GPR179: variants seen among roughly 807,000 people sequenced by gnomAD.
GPR179 encodes G protein-coupled receptor 179, also known as probable G protein-coupled receptor 179.
In GPR179, 52 loss-of-function variants were observed where a neutral mutation model predicts 70.8. The observed-to-expected ratio is 0.73, with a 90% CI of 0.59 to 0.93. GPR179 has a LOEUF of 0.93. GPR179 is among the 40% of genes least tolerant of loss of function. The probability of loss-of-function intolerance (pLI) is 0.00; values close to 1 mark genes in which losing one functional copy is unlikely to be tolerated. For missense variants in GPR179, 2,734 were observed against 2,966.8 expected (o/e 0.92, Z 1.82); for synonymous variants, 1,123 against 1,169.0 (o/e 0.96, Z 0.80).
In GPR179 at chr17:38,327,483, A is replaced by T; in HGVS notation, c.6086T>A (p.Val2029Asp). ...TCCATCCTGCCTTGACACCCCTTTG[A>T]CAGGGATTCTTTCAGTCACTTCCCA... ...CPWEVTERIP[V>D]KGVSRQDGKG... The change falls in exon 11 of 11, where the codon GTC (valine) becomes GAC (aspartate). Residue 2029 changes from valine (V) to aspartate (D), a missense_variant. Physicochemically the swap from Val to Asp is radical, Grantham distance 152. Transcript: ENST00000616987. The T allele has an allele frequency of 1.9e-6, 3 of 1,614,064 alleles. No individual in the cohort carries two copies. Among genetic ancestry groups the T allele is most frequent in the Non-Finnish European group, 1.7e-6 (2 of 1,180,012 alleles).
rs971271484 is a variant in GPR179, at chr17:38,337,215, T to C, written c.992-2A>G. 1 of 1,606,860 alleles carries C rather than the reference T, an allele frequency of 6.2e-7. No individual in the cohort carries two copies. Among genetic ancestry groups the C allele is most frequent in the Non-Finnish European group, 8.5e-7 (1 of 1,176,926 alleles). On this transcript the variant is annotated splice_acceptor_variant, in intron 3 of 10. Coordinates refer to ENST00000616987, the MANE Select transcript of GPR179 (RefSeq NM_001004334.4). LOFTEE classifies it high-confidence loss of function. ...TCTGGAAGTCACTCTCCTCTAACCC[T>C]ATAAAGAACAAGATGAGTGCAGGGA...
Position 38,335,092 on chromosome 17 carries a change from G to C in GPR179, c.1586C>G (p.Pro529Arg). 1 of 1,613,268 alleles carries C rather than the reference G, an allele frequency of 6.2e-7. No homozygotes were observed. Among genetic ancestry groups the C allele is most frequent in the Non-Finnish European group, 8.5e-7 (1 of 1,179,778 alleles). ...ACAGAGGTAGAAATGGCGGCCACTG[G>C]GAGTGTGGCCTCGGATCACCAGAGG... is the stretch of plus-strand genomic sequence containing the variant. Reference protein sequence around the residue: ...HAPLVIRGHTPSGRHFYLCHH... With the variant: ...HAPLVIRGHTRSGRHFYLCHH... Residue 529 changes from proline to arginine, a missense_variant, in exon 7 of 11, where the codon CCC becomes CGC. Transcript: ENST00000616987.
In GPR179 at chr17:38,330,832, T is replaced by C; in HGVS notation, c.2737A>G (p.Ser913Gly). 1 of 1,605,196 alleles carries C rather than the reference T, an allele frequency of 6.2e-7. No homozygotes were observed. The highest frequency in any genetic ancestry group is 8.5e-7 in the Non-Finnish European group (1 of 1,176,102). Residue 913 changes from serine to glycine, a missense_variant, in exon 11 of 11, where the codon AGC (serine) becomes GGC (glycine). By Grantham distance (56) the Ser-to-Gly change is moderately conservative. Coordinates refer to ENST00000616987, the MANE Select transcript of GPR179 (RefSeq NM_001004334.4). The part of the protein sequence containing the change: ...PSPAKSSSVD[S>G]SHTSGRLHEE... ...TGAAGCCTCCCAGAGGTGTGAGAGC[T>C]GTCCACGCTGCTGCTCTTGGCAGGG...
rs560420617 is a variant in GPR179 at position 38,325,255 on chromosome 17, AAGAG to A, written c.*1206_*1209del. On this transcript the variant is annotated 3_prime_UTR_variant, in exon 11 of 11. Transcript: ENST00000616987. ...AACTGACGAGAGAAGGGAGCCAAGA[AAGAG>A]AGAGCTCCCTAAGAAAGAAGGCTTT... is the stretch of plus-strand genomic sequence containing the variant. Among the ~76,000 whole-genome samples, 10 of 152,302 alleles carry A rather than the reference AAGAG, an allele frequency of 6.6e-5. No homozygotes were observed. In the East Asian group the frequency reaches 1.9e-3, roughly 29 times the overall value.
rs1185626112 is a variant in GPR179, at chr17:38,343,553, G to C, written c.237C>G (p.Arg79=). 6.2e-6 allele frequency: 10 copies of C among 1,613,682 alleles called. No homozygotes were observed. The highest frequency in any genetic ancestry group is 7.6e-6 in the Non-Finnish European group (9 of 1,180,020). ...TGGCTCCTGCCCCACGCGCTTCATAGCGCTCACTGCAATTCACCTGTGATA... is the reference window on the plus strand; with the variant it reads ...TGGCTCCTGCCCCACGCGCTTCATACCGCTCACTGCAATTCACCTGTGATA... ...QQLSQVNCSE[R]YEARGAGAMP... The change falls in exon 1 of 11, where the codon CGC becomes CGG. Residue 79 remains arginine (R), a synonymous_variant. Coordinates refer to ENST00000616987, the MANE Select transcript of GPR179 (RefSeq NM_001004334.4). This position sits in a 1 kb window ranked among gnomAD's most constrained non-coding sequence, Gnocchi z 4.2.
At chr17:38,342,493 C>T (rs2037457568) in intron 1 of GPR179, among the ~76,000 whole-genome samples, 2 of 152,154 alleles carry the variant, frequency 1.3e-5, no homozygotes, top group Admixed American at 1.3e-4. Context: ...GTACTCGCTA[C>T]CACACCCAGC....
At position 38,329,138 on chromosome 17, in the gene GPR179, C is replaced by A; in HGVS notation, c.4431G>T (p.Glu1477Asp). The A allele has an allele frequency of 6.2e-7, 1 of 1,614,012 alleles. No individual in the cohort carries two copies. The highest frequency in any genetic ancestry group is 8.5e-7 in the Non-Finnish European group (1 of 1,180,032). ...TATCATCCAGCTCCCAGGGACAGAT[C>A]TCTGCTTTCTGGATAGCAGGAGCAT... is the stretch of plus-strand genomic sequence containing the variant. ...AGDAPAIQKA[E>D]ICPWELDDNV... The change falls in exon 11 of 11, where the codon GAG becomes GAT. Residue 1477 changes from glutamate (E) to aspartate (D), a missense_variant. Transcript: ENST00000616987.
chr17:38,342,059 G>A (rs926011398), intron 1 of GPR179, among the ~76,000 whole-genome samples: 15 of 152,008 alleles, frequency 9.9e-5, no homozygotes, highest in African/African-American at 1.7e-4. Context: ...TGCAGCTGCC[G>A]TGAGCCGAGG....
In GPR179 at chr17:38,339,451, G is replaced by C; in HGVS notation, c.869C>G (p.Ser290Cys). ...GTTGAGATCACACAGGTGTGTGTTA[G>C]AGTACCAGCCTGGGCCACTTGCACA... ...NQCASGPGWY[S>C]NTHLCDLNST... Residue 290 changes from serine to cysteine, a missense_variant, in exon 2 of 11, where the codon TCT becomes TGT. Ser to Cys is a moderately radical substitution (Grantham distance 112). Coordinates refer to ENST00000616987, the MANE Select transcript of GPR179 (RefSeq NM_001004334.4). 6.2e-7 allele frequency: 1 copy of C among 1,613,768 alleles called. No individual in the cohort carries two copies. Among genetic ancestry groups the C allele is most frequent in the South Asian group, 1.1e-5 (1 of 91,072 alleles).
Position 38,331,185 on chromosome 17 carries a change from G to A in GPR179, c.2384C>T (p.Ala795Val). The A allele has an allele frequency of 6.2e-7, 1 of 1,608,340 alleles. No homozygotes were observed. Among genetic ancestry groups the A allele is most frequent in the Non-Finnish European group, 8.5e-7 (1 of 1,178,938 alleles). Residue 795 changes from alanine to valine, a missense_variant, in exon 11 of 11, where the codon GCC becomes GTC. By Grantham distance (64) the Ala-to-Val change is moderately conservative (BLOSUM62 0). Transcript: ENST00000616987. ...LLDSLLRRKLAKKASRTESRE... is the reference protein window; with the variant it reads ...LLDSLLRRKLVKKASRTESRE... The stretch of plus-strand genomic sequence containing the variant: ...GCTCTCTGTTCGAGAGGCCTTCTTG[G>A]CCAGCTTCCTCCTCAGCAGTGAGTC...
Position 38,334,587 on chromosome 17 carries a change from A to C in GPR179, c.1784+117T>G. ...GAGCCAGAAGTGGGGGCCTTCGTCA[A>C]CGTGCTGAGGCGTAGCAGTGTTGCC... On this transcript the variant is annotated intron_variant, in intron 8 of 10. Coordinates refer to ENST00000616987, the MANE Select transcript of GPR179 (RefSeq NM_001004334.4). The surrounding 1 kb of genome is among the most constrained non-coding windows in gnomAD (Gnocchi z 4.7). 1.8e-6 allele frequency: 2 copies of C among 1,128,748 alleles called. No individual in the cohort carries two copies. The highest frequency in any genetic ancestry group is 2.6e-6 in the Non-Finnish European group (2 of 779,032). 69.9% of individuals were successfully genotyped at this position (1,128,748 alleles called of 1,614,324 possible).
At position 38,329,505 on chromosome 17, in the gene GPR179, G is replaced by A; in HGVS notation, c.4064C>T (p.Ala1355Val). The change falls in exon 11 of 11, where the codon GCC (alanine) becomes GTC (valine). Residue 1355 changes from alanine to valine, a missense_variant. Transcript: ENST00000616987. ...CCACCCAGGCTTCTCCACCTTCCTG[G>A]CCTCCACACTGTCCCCCGCCTCAGA... ...DKSEAGDSVEARKVEKPGWEA... is the reference protein window; with the variant it reads ...DKSEAGDSVEVRKVEKPGWEA... 2 of 1,613,866 alleles carry A rather than the reference G, an allele frequency of 1.2e-6. No individual in the cohort carries two copies. The highest frequency in any genetic ancestry group is 3.3e-5 in the Admixed American group (2 of 59,978).
In GPR179 at chr17:38,329,993, A is replaced by G. The variant is rs889818721; in HGVS notation, c.3576T>C (p.Ala1192=). The G allele has an allele frequency of 8.1e-6, 13 of 1,614,022 alleles. No individual in the cohort carries two copies. Among genetic ancestry groups the G allele is most frequent in the Non-Finnish European group, 1.1e-5 (13 of 1,180,036 alleles). Residue 1192 remains alanine, a synonymous_variant, in exon 11 of 11, where the codon GCT becomes GCC. Transcript: ENST00000616987. The part of the protein sequence containing the change: ...RMTQGLGERK[A]ERAGKTGLAM... The stretch of plus-strand genomic sequence containing the variant: ...CAAGCCCTGTTTTACCTGCTCTCTC[A>G]GCTTTCCGTTCCCCTAGACCCTGGG...
Position 38,330,623 on chromosome 17 carries a change from G to A in GPR179, c.2946C>T (p.Ser982=). The A allele has an allele frequency of 6.3e-7, 1 of 1,581,112 alleles. No individual in the cohort carries two copies. The highest frequency in any genetic ancestry group is 8.6e-7 in the Non-Finnish European group (1 of 1,164,172). The change falls in exon 11 of 11, where the codon TCC becomes TCT. Residue 982 remains serine, a synonymous_variant. Transcript: ENST00000616987. ...PAPALAPVPV[S]PQSPNLLTYI... is the part of the protein sequence containing the mutation. ...AGGTGAGTAAGTTGGGGCTTTGTGG[G>A]GATACTGGGACTGGTGCCAGGGCAG...
rs758695804 is a variant in GPR179, at chr17:38,343,491, C to T, written c.299G>A (p.Gly100Asp). 3.1e-6 allele frequency: 5 copies of T among 1,613,746 alleles called. No homozygotes were observed. Among genetic ancestry groups the T allele is most frequent in the African/African-American group, 2.7e-5 (2 of 74,940 alleles). ...AAAATTGGCGGCCTGGGCAAGGGTG[C>T]CCGCTGCCCCCTGTAGGCTTGGGGG... ...GLPPSLQGAA[G>D]TLAQAANFLN... Residue 100 changes from glycine (G) to aspartate (D), a missense_variant, in exon 1 of 11, where the codon GGC becomes GAC. Gly to Asp is a moderately conservative substitution (Grantham distance 94). Coordinates refer to ENST00000616987, the MANE Select transcript of GPR179 (RefSeq NM_001004334.4). This position sits in a 1 kb window ranked among gnomAD's most constrained non-coding sequence, Gnocchi z 4.2.
In GPR179 at chr17:38,343,538, C is replaced by A. The variant is rs760100428; in HGVS notation, c.252G>T (p.Gly84=). 1 of 1,613,786 alleles carries A rather than the reference C, an allele frequency of 6.2e-7. No homozygotes were observed. Among genetic ancestry groups the A allele is most frequent in the African/African-American group, 1.3e-5 (1 of 75,056 alleles). The part of the protein sequence containing the change: ...VNCSERYEAR[G]AGAMPGLPPS... ...GGGGGAGCCCTGGCATGGCTCCTGC[C>A]CCACGCGCTTCATAGCGCTCACTGC... The change falls in exon 1 of 11, where the codon GGG becomes GGT. Residue 84 remains glycine (G), a synonymous_variant. Transcript: ENST00000616987. The surrounding 1 kb of genome is among the most constrained non-coding windows in gnomAD (Gnocchi z 4.2).
Position 38,334,054 on chromosome 17 carries a change from G to A in GPR179, c.1785-16C>T, listed in dbSNP as rs1249955506. 1.9e-6 allele frequency: 3 copies of A among 1,574,360 alleles called. No homozygotes were observed. The highest frequency in any genetic ancestry group is 3.3e-5 in the Admixed American group (2 of 59,838). Reference sequence around the variant, plus strand: ...CAGCACAAACCTGGGGCGGGATAGGGGCGCAGGTCATTACTGCAGGCAGGA... The same window carrying A: ...CAGCACAAACCTGGGGCGGGATAGGAGCGCAGGTCATTACTGCAGGCAGGA... On this transcript the variant is annotated splice_polypyrimidine_tract_variant and intron_variant, in intron 8 of 10. Coordinates refer to ENST00000616987, the MANE Select transcript of GPR179 (RefSeq NM_001004334.4). This position sits in a 1 kb window ranked among gnomAD's most constrained non-coding sequence, Gnocchi z 4.7.
chr17:38,331,402 G>A lies in GPR179; in HGVS notation c.2167C>T (p.Leu723=), dbSNP rs1380722420. 4 of 1,614,152 alleles carry A rather than the reference G, an allele frequency of 2.5e-6. No individual in the cohort carries two copies. Among genetic ancestry groups the A allele is most frequent in the East Asian group, 4.5e-5 (2 of 44,876 alleles). ...GCCAGGGCCTCGGGGAATTCCGCCA[G>A]GTACCTCATGAAGGAGCGGCCCAGT... ...QGLGRSFMRY[L]AEFPEALARQ... is the part of the protein sequence containing the mutation. Residue 723 remains leucine (L), a synonymous_variant, in exon 11 of 11, where the codon CTG becomes TTG. Coordinates refer to ENST00000616987, the MANE Select transcript of GPR179 (RefSeq NM_001004334.4).
chr17:38,333,711 C>T (rs1043385974), intron 9 of GPR179, among the ~76,000 whole-genome samples: 3 of 152,188 alleles, frequency 2.0e-5, no homozygotes, highest in Non-Finnish European at 2.9e-5. Flanking sequence ...GAGGGAGCCC[C>T]TCCAGCCCTG....
Sources: gnomAD v4.1 joint callset for allele counts (sites outside exome capture counted in the v4.1 genomes callset) on GRCh38, gnomAD v4.1.1 for gene constraint, Gnocchi (gnomAD v3.1) non-coding constraint, MANE v1.5 for transcripts, NCBI Gene and HGNC (gene_info 2026-07-23, HGNC 2026-07-21) for gene names.